The following CNTN5 variants were observed in gnomAD, a reference collection of about 807,000 sequenced individuals.
CNTN5 encodes the protein contactin 5, also known as contactin-5.
In CNTN5, 77 loss-of-function variants were observed where a neutral mutation model predicts 129.1. The observed-to-expected ratio is 0.60, with a 90% CI of 0.50 to 0.72. The LOEUF (loss-of-function observed/expected upper bound fraction) is 0.72, where lower values mean the gene tolerates loss of function less well. CNTN5 is among the 30% of genes least tolerant of loss of function. CNTN5 has a pLI of 0.00. For missense variants in CNTN5, 1,478 were observed against 1,328.8 expected (o/e 1.11, Z -1.75); for synonymous variants, 509 against 465.6 (o/e 1.09, Z -1.20).
In CNTN5 at chr11:99,962,305, C is replaced by G. The variant is rs186452499; in HGVS notation, c.877+5296C>G. On this transcript the variant is annotated intron_variant, in intron 8 of 24. Coordinates refer to ENST00000524871, the MANE Select transcript of CNTN5 (RefSeq NM_014361.4). ...GTATATCTCCTAATGCTATCCCTCC[C>G]CCTCCCCCCACCCCACAACAAGCCC... Among the ~76,000 whole-genome samples, 559 of 134,394 alleles carry G rather than the reference C, an allele frequency of 4.2e-3. 6 individuals carry two copies. The highest frequency in any genetic ancestry group is 0.014 in the African/African-American group (523 of 37,946). 88.2% of individuals were successfully genotyped at this position (134,394 alleles called of 152,430 possible).
At chr11:99,334,398 A>C (rs1157023658) in intron 2 of CNTN5, among the ~76,000 whole-genome samples, 2 of 152,128 alleles carry the variant, frequency 1.3e-5, no homozygotes, top group Non-Finnish European at 2.9e-5. Flanking sequence ...AGGTGGGAGG[A>C]TGTGGTGATG....
At chr11:99,917,315 A>T (rs561549751) in intron 7 of CNTN5, among the ~76,000 whole-genome samples, 1 of 152,274 alleles carries the variant, frequency 6.6e-6, no homozygotes, top group South Asian at 2.1e-4. Context: ...AGTTTACATT[A>T]AACATATCTA....
At chr11:99,875,415 C>G (rs1482980800) in intron 6 of CNTN5, among the ~76,000 whole-genome samples, 1 of 152,032 alleles carries the variant, frequency 6.6e-6, no homozygotes, top group Non-Finnish European at 1.5e-5. Context: ...AGCAAAATAA[C>G]AAGTTATCAA....
chr11:99,123,869 T>C (rs569511274), intron 1 of CNTN5, among the ~76,000 whole-genome samples: 1 of 152,196 alleles, frequency 6.6e-6, no homozygotes, highest in African/African-American at 2.4e-5. Context: ...GTGTGTAGCA[T>C]TATTTCTGGA....
At chr11:99,514,626 G>C (rs190485827) in intron 2 of CNTN5, among the ~76,000 whole-genome samples, 2 of 152,142 alleles carry the variant, frequency 1.3e-5, no homozygotes, top group East Asian at 1.9e-4. Flanking sequence ...TTTGCCAAAG[G>C]CTCAGATGAT....
At chr11:100,154,492 G>C (rs1947169507) in intron 13 of CNTN5, among the ~76,000 whole-genome samples, 1 of 152,092 alleles carries the variant, frequency 6.6e-6, no homozygotes. Context: ...TACATGTGCA[G>C]ATGTCTTTAT....
At chr11:99,894,117 T>C (rs6590403) in intron 6 of CNTN5, among the ~76,000 whole-genome samples, 151,081 of 152,224 alleles carry the variant, frequency 0.99, 74,986 homozygotes, top group Middle Eastern at 1. Flanking sequence ...ACTGCTGTAC[T>C]TACCATCTCC....
chr11:100,305,246 G>A (rs1019981076), intron 20 of CNTN5, among the ~76,000 whole-genome samples: 3 of 151,530 alleles, frequency 2.0e-5, no homozygotes, highest in South Asian at 2.1e-4. Flanking sequence ...TGCAAAATGA[G>A]AGCATGGATT....
At chr11:99,817,596 G>GTTTTT (rs372057505) in intron 3 of CNTN5, among the ~76,000 whole-genome samples, 1,003 of 99,418 alleles carry the variant, frequency 0.01, 22 homozygotes, top group East Asian at 0.05. Context: ...GTCTGGGATA[G>GTTTTT]TTTTTTTTTT....
At chr11:100,287,452 T>G (rs1275766970) in intron 18 of CNTN5, among the ~76,000 whole-genome samples, 1 of 151,086 alleles carries the variant, frequency 6.6e-6, no homozygotes, top group Admixed American at 6.6e-5. Context: ...GGGCCAATAT[T>G]CAACATTCTT....
chr11:100,224,918 T>G (rs1949340498), intron 16 of CNTN5, 106 bp downstream of exon 16: 2 of 1,096,010 alleles, frequency 1.8e-6, no homozygotes, highest in South Asian at 5.3e-5. Context: ...GCATTTTACT[T>G]TCAATTTTAC....
intron 9 of CNTN5, among the ~76,000 whole-genome samples, chr11:100,005,505 A>G (rs1381130643): frequency 1.3e-5 from 2 of 152,194 alleles, no homozygotes; most frequent in Non-Finnish European, 2.9e-5. Context: ...TAAGTGCACA[A>G]TACAATATTG....
intron 1 of CNTN5, among the ~76,000 whole-genome samples, chr11:99,281,180 G>A (rs1018588035): frequency 9.2e-5 from 14 of 151,902 alleles, no homozygotes; most frequent in Non-Finnish European, 2.1e-4. Flanking sequence ...AGGACAAAGA[G>A]AAAGCAAAGA....
At chr11:99,801,056 A>C (rs911761492) in intron 3 of CNTN5, among the ~76,000 whole-genome samples, 5 of 152,048 alleles carry the variant, frequency 3.3e-5, no homozygotes, top group Non-Finnish European at 1.5e-5. Flanking sequence ...TGCAGTAGCA[A>C]GTATGTTTTG....
intron 3 of CNTN5, among the ~76,000 whole-genome samples, chr11:99,793,052 A>G (rs941719693): frequency 2.7e-5 from 4 of 149,682 alleles, no homozygotes; most frequent in African/African-American, 9.8e-5. Context: ...CTAGCAGTCT[A>G]TCTATCTTAT....
chr11:99,046,967 C>T (rs1383482316), intron 1 of CNTN5, among the ~76,000 whole-genome samples: 2 of 151,878 alleles, frequency 1.3e-5, no homozygotes, highest in Non-Finnish European at 2.9e-5. Flanking sequence ...GAAAAAGAAA[C>T]ATTTTTAAAA....
At chr11:99,743,919 C>CA (rs1406247394) in intron 3 of CNTN5, among the ~76,000 whole-genome samples, 1 of 152,100 alleles carries the variant, frequency 6.6e-6, no homozygotes, top group Non-Finnish European at 1.5e-5. Flanking sequence ...CATAGTTATT[C>CA]AGAAGCAGTA....
intron 6 of CNTN5, among the ~76,000 whole-genome samples, chr11:99,859,035 A>G (rs1455507830): frequency 2.0e-5 from 3 of 152,166 alleles, no homozygotes; most frequent in Non-Finnish European, 4.4e-5. Flanking sequence ...AAAGTAGCAT[A>G]GTTAAATGGA....
intron 2 of CNTN5, among the ~76,000 whole-genome samples, chr11:99,449,207 T>A (rs1591076867): frequency 6.6e-6 from 1 of 152,220 alleles, no homozygotes; most frequent in African/African-American, 2.4e-5. Flanking sequence ...ATAAACTTTT[T>A]AACTCGTTTT....
Sources: allele counts gnomAD v4.1 joint callset (sites outside exome capture counted in the v4.1 genomes callset), GRCh38; gene constraint gnomAD v4.1.1; transcripts MANE v1.5; gene names NCBI Gene and HGNC (gene_info 2026-07-23, HGNC 2026-07-21).